CDT1: variants seen among roughly 807,000 people sequenced by gnomAD.
CDT1 encodes chromatin licensing and DNA replication factor 1.
A neutral mutation model predicts 49.3 loss-of-function variants in CDT1; 66 were observed. The ratio of observed to expected loss-of-function variants is 1.34; its 90% CI spans 1.10 to 1.64. The LOEUF is 1.64. Among genes scored for constraint, CDT1 ranks in the 40% most tolerant of loss-of-function variants. The pLI is 0.00. For missense variants in CDT1, 958 were observed against 807.7 expected, an observed-to-expected ratio of 1.19 and a Z score of -2.26; for synonymous variants, 424 against 347.4, an observed-to-expected ratio of 1.22 and a Z score of -2.45.
At position 88,807,233 on chromosome 16, in the gene CDT1, C is replaced by T. The variant is rs761825872; in HGVS notation, c.1275+30C>T. 9.3e-6 allele frequency: 15 copies of T among 1,610,436 alleles called. No individual in the cohort carries two copies. The Middle Eastern group carries it at 4.9e-4, about 53-fold the overall frequency. On this transcript the variant is annotated intron_variant, in intron 8 of 9. Coordinates refer to ENST00000301019, the MANE Select transcript of CDT1 (RefSeq NM_030928.4). The stretch of plus-strand genomic sequence containing the variant: ...GTCGTCCCCAGTGATGGCGGGTGGG[C>T]GCCTGGTGACCTGCTGCCCACTAAC...
Position 88,805,833 on chromosome 16 carries a change from G to C in CDT1, c.796G>C (p.Asp266His). Residue 266 changes from aspartate to histidine, a missense_variant, in exon 5 of 10, where the codon GAT (aspartate) becomes CAT (histidine). Physicochemically the swap from Asp to His is moderately conservative, Grantham distance 81 (BLOSUM62 -1). Transcript: ENST00000301019. ...CTTCAAGGATGGCACCAGGAGGTCA[G>C]ATTACCAGCTCACCATCGAGCCACT... ...PTFKDGTRRS[D>H]YQLTIEPLLE... The C allele has an allele frequency of 1.2e-6, 2 of 1,613,080 alleles. No individual in the cohort carries two copies. The highest frequency in any genetic ancestry group is 1.3e-5 in the African/African-American group (1 of 75,066).
chr16:88,807,527 T>A, intron 9 of CDT1, 45 bp downstream of exon 9: 1 of 1,564,564 alleles, frequency 6.4e-7, no homozygotes, highest in Non-Finnish European at 8.8e-7. Flanking sequence ...TGGAATTGCC[T>A]GGTGCTGCAG....
chr16:88,804,578 A>T lies in CDT1; in HGVS notation c.262A>T (p.Ile88Phe). Residue 88 changes from isoleucine (I) to phenylalanine (F), a missense_variant, in exon 2 of 10, where the codon ATC (isoleucine) becomes TTC (phenylalanine). Transcript: ENST00000301019. ...CCCCAGTACCCCCGAGGCCCCAGAC[A>T]TCCCAGCCTGCCCTTCTCCGGGCCA... Reference protein sequence around the residue: ...SSPSTPEAPDIPACPSPGQKI... With the variant: ...SSPSTPEAPDFPACPSPGQKI... 2 of 1,613,024 alleles carry T rather than the reference A, an allele frequency of 1.2e-6. No individual in the cohort carries two copies. The highest frequency in any genetic ancestry group is 8.5e-7 in the Non-Finnish European group (1 of 1,179,904).
rs562796806 is a variant in CDT1 at position 88,805,738 on chromosome 16, G to C, written c.701G>C (p.Cys234Ser). The change falls in exon 5 of 10, where the codon TGC becomes TCC. Residue 234 changes from cysteine (C) to serine (S), a missense_variant. Coordinates refer to ENST00000301019, the MANE Select transcript of CDT1 (RefSeq NM_030928.4). The part of the protein sequence containing the change: ...QDMMRRRFEE[C>S]NVGQIKTVYP... ...TCCTCCCATAGGCGTTTTGAGGAGT[G>C]CAATGTTGGCCAGATCAAAACCGTG... 35 of 1,612,854 alleles carry C rather than the reference G, an allele frequency of 2.2e-5. No homozygotes were observed. The East Asian group carries it at 7.8e-4, about 36-fold the overall frequency.
In CDT1 at chr16:88,807,218, G is replaced by A. The variant is rs201095362; in HGVS notation, c.1275+15G>A. The stretch of plus-strand genomic sequence containing the variant: ...TGCTGGAGCGGGTGAGTCGTCCCCA[G>A]TGATGGCGGGTGGGCGCCTGGTGAC... On this transcript the variant is annotated intron_variant, in intron 8 of 9. Coordinates refer to ENST00000301019, the MANE Select transcript of CDT1 (RefSeq NM_030928.4). The A allele has an allele frequency of 8.7e-6, 14 of 1,611,662 alleles. No individual in the cohort carries two copies. In the African/African-American group the frequency reaches 1.6e-4, roughly 18 times the overall value.
Position 88,804,846 on chromosome 16 carries a change from G to C in CDT1, c.436G>C (p.Asp146His), listed in dbSNP as rs1293255919. The change falls in exon 3 of 10, where the codon GAT (aspartate) becomes CAT (histidine). Residue 146 changes from aspartate (D) to histidine (H), a missense_variant. Coordinates refer to ENST00000301019, the MANE Select transcript of CDT1 (RefSeq NM_030928.4). ...RVRALKASAQ[D>H]AGESCTPEAE... ...CCGGGCGCTGAAGGCCAGTGCCCAG[G>C]ATGCTGGGGAGTCCTGCACCCCAGA... 1.2e-6 allele frequency: 2 copies of C among 1,610,786 alleles called. No homozygotes were observed. Among genetic ancestry groups the C allele is most frequent in the South Asian group, 2.2e-5 (2 of 90,880 alleles).
At chr16:88,804,922 G>A (rs1908793612) in intron 3 of CDT1, 24 bp downstream of exon 3, 2 of 1,538,156 alleles carry the variant, frequency 1.3e-6, no homozygotes, top group South Asian at 1.2e-5. Flanking sequence ...GGGCGGCCAC[G>A]AGGCCCCGGC....
chr16:88,808,184 G>C lies in CDT1; in HGVS notation c.1547G>C (p.Arg516Pro). Residue 516 changes from arginine (R) to proline (P), a missense_variant, in exon 10 of 10, where the codon CGC becomes CCC. Coordinates refer to ENST00000301019, the MANE Select transcript of CDT1 (RefSeq NM_030928.4). Reference sequence around the variant, plus strand: ...GACTGGCTCAGCCTCCACCGCATCCGCACCGACACCTACGTCAAGCTGGAC... The same window carrying C: ...GACTGGCTCAGCCTCCACCGCATCCCCACCGACACCTACGTCAAGCTGGAC... ...LPDWLSLHRI[R>P]TDTYVKLDKA... The C allele has an allele frequency of 1.2e-6, 2 of 1,612,798 alleles. No individual in the cohort carries two copies. Among genetic ancestry groups the C allele is most frequent in the Non-Finnish European group, 1.7e-6 (2 of 1,179,944 alleles).
At position 88,804,756 on chromosome 16, in the gene CDT1, C is replaced by CT. The variant is rs909845949; in HGVS notation, c.352-5dup. 1.2e-6 allele frequency: 2 copies of CT among 1,612,744 alleles called. No individual in the cohort carries two copies. The highest frequency in any genetic ancestry group is 2.7e-5 in the African/African-American group (2 of 74,942). On this transcript the variant is annotated splice_polypyrimidine_tract_variant and splice_region_variant and intron_variant, in intron 2 of 9. Transcript: ENST00000301019. ...GACGGCACCGTGTCCCCTGATCCCCCTGAAGGACACCATCTCTGAGCTTGC... is the reference window on the plus strand; with the variant it reads ...GACGGCACCGTGTCCCCTGATCCCCCTTGAAGGACACCATCTCTGAGCTTGC...
At chr16:88,807,554 C>T (rs1431765445) in intron 9 of CDT1, 72 bp downstream of exon 9, 2 of 1,376,248 alleles carry the variant, frequency 1.5e-6, no homozygotes, top group Non-Finnish European at 2.0e-6. Context: ...CCCCAGCTTT[C>T]TGAGCAGAGG....
At chr16:88,805,187 T>C (rs941854306) in intron 3 of CDT1, among the ~76,000 whole-genome samples, 2 of 152,220 alleles carry the variant, frequency 1.3e-5, no homozygotes, top group Non-Finnish European at 2.9e-5. Context: ...CTGACGAAAC[T>C]GCGCTGGGGA....
Position 88,804,076 on chromosome 16 carries a change from G to A in CDT1, c.228+17G>A, listed in dbSNP as rs2142941080. On this transcript the variant is annotated intron_variant, in intron 1 of 9. Coordinates refer to ENST00000301019, the MANE Select transcript of CDT1 (RefSeq NM_030928.4). ...GTGGACGAGGTGAGGGGCGTGGGGA[G>A]ACTGAGGCCGGGGAGTTGGGGGCGG... 2 of 1,400,932 alleles carry A rather than the reference G, an allele frequency of 1.4e-6. No individual in the cohort carries two copies. The highest frequency in any genetic ancestry group is 1.9e-6 in the Non-Finnish European group (2 of 1,080,216). 86.8% of individuals were successfully genotyped at this position (1,400,932 alleles called of 1,614,324 possible).
Position 88,804,625 on chromosome 16 carries a change from G to C in CDT1, c.309G>C (p.Pro103=). ...SPGQKIKKST[P]AAGQPPHLTS... is the part of the protein sequence containing the mutation. ...GCCAGAAGATAAAGAAATCCACCCC[G>C]GCAGCAGGTCAGCCGCCCCACCTGA... Residue 103 remains proline, a synonymous_variant, in exon 2 of 10, where the codon CCG becomes CCC. Coordinates refer to ENST00000301019, the MANE Select transcript of CDT1 (RefSeq NM_030928.4). 6.2e-7 allele frequency: 1 copy of C among 1,612,676 alleles called. No individual in the cohort carries two copies. Among genetic ancestry groups the C allele is most frequent in the Non-Finnish European group, 8.5e-7 (1 of 1,179,808 alleles).
Position 88,805,772 on chromosome 16 carries a change from C to G in CDT1, c.735C>G (p.Ala245=), listed in dbSNP as rs1269362926. The G allele has an allele frequency of 1.9e-6, 3 of 1,613,174 alleles. No individual in the cohort carries two copies. Among genetic ancestry groups the G allele is most frequent in the Non-Finnish European group, 1.7e-6 (2 of 1,179,986 alleles). ...NVGQIKTVYP[A]SYRFRQERSV... ...GCCAGATCAAAACCGTGTACCCGGC[C>G]TCCTACCGCTTCCGCCAGGAGCGCA... The change falls in exon 5 of 10, where the codon GCC becomes GCG. Residue 245 remains alanine, a synonymous_variant. Transcript: ENST00000301019.
At position 88,806,041 on chromosome 16, in the gene CDT1, C is replaced by T. The variant is rs1416732050; in HGVS notation, c.853C>T (p.Gln285Ter). 3 of 1,593,718 alleles carry T rather than the reference C, an allele frequency of 1.9e-6. No homozygotes were observed. The highest frequency in any genetic ancestry group is 2.2e-5 in the South Asian group (2 of 88,980). ...LEQEADGAAPQLTASRLLQRR... is the reference protein window; with the variant it reads ...LEQEADGAAP ...CACAGAGGCTGACGGAGCAGCCCCC[C>T]AGCTCACGGCCTCGCGCCTCCTGCA... The change falls in exon 6 of 10, where the codon CAG (glutamine) becomes TAG (stop). Residue 285 changes from glutamine (Q) to a stop codon, truncating the protein, a stop_gained. Transcript: ENST00000301019. LOFTEE classifies it high-confidence loss of function.
At chr16:88,806,935 A>G in intron 7 of CDT1, 116 bp from the exon 8 acceptor site, 1 of 1,386,316 alleles carries the variant, frequency 7.2e-7, no homozygotes, top group Non-Finnish European at 1.0e-6. Context: ...ACCGGCACAG[A>G]CCACCCAGTG....
chr16:88,808,231 A>C lies in CDT1; in HGVS notation c.1594A>C (p.Ile532Leu). 1 of 1,607,086 alleles carries C rather than the reference A, an allele frequency of 6.2e-7. No individual in the cohort carries two copies. The highest frequency in any genetic ancestry group is 1.7e-5 in the Admixed American group (1 of 59,104). ...GGACAAGGCCGCGGACCTCGCCCACATCACTGCACGCCTGGCCCACCAGAC... is the reference window on the plus strand; with the variant it reads ...GGACAAGGCCGCGGACCTCGCCCACCTCACTGCACGCCTGGCCCACCAGAC... ...KLDKAADLAH[I>L]TARLAHQTRA... Residue 532 changes from isoleucine to leucine, a missense_variant, in exon 10 of 10, where the codon ATC (isoleucine) becomes CTC (leucine). Transcript: ENST00000301019.
chr16:88,807,596 G>A (rs551546686), intron 9 of CDT1, 114 bp downstream of exon 9: 40 of 1,067,924 alleles, frequency 3.7e-5, no homozygotes, highest in Non-Finnish European at 4.7e-5. Flanking sequence ...GTTCAGATGT[G>A]CAGTGGGCGC....
chr16:88,803,827 C>T lies in CDT1; in HGVS notation c.-5C>T, dbSNP rs765839411. ...TTCCTTGCTTTCGCCGCGCACTCCG[C>T]CGCCATGGAGCAGCGCCGCGTCACC... On this transcript the variant is annotated 5_prime_UTR_variant, in exon 1 of 10. Transcript: ENST00000301019. The T allele has an allele frequency of 3.4e-5, 51 of 1,514,742 alleles. No individual in the cohort carries two copies. Among genetic ancestry groups the T allele is most frequent in the Non-Finnish European group, 4.4e-5 (50 of 1,132,050 alleles). 93.8% of individuals were successfully genotyped at this position (1,514,742 alleles called of 1,614,324 possible). A position where few individuals can be genotyped will look rare whatever the true frequency, so the allele number is the denominator to read the frequency against.
Sources: gnomAD v4.1 joint callset for allele counts (sites outside exome capture counted in the v4.1 genomes callset) on GRCh38, gnomAD v4.1.1 for gene constraint, MANE v1.5 for transcripts, NCBI Gene and HGNC (gene_info 2026-07-23, HGNC 2026-07-21) for gene names.